Variants in COX5A observed in about 807,000 individuals in gnomAD.
COX5A encodes the protein cytochrome c oxidase subunit 5A, mitochondrial.
A neutral mutation model predicts 16.1 loss-of-function variants in COX5A; 6 were observed. That is an observed-to-expected ratio of 0.37 (90% confidence interval 0.20 to 0.73). The LOEUF (loss-of-function observed/expected upper bound fraction) is 0.73. COX5A is among the 30% of genes least tolerant of loss of function. COX5A has a pLI of 0.50. For synonymous variants in COX5A, 73 were observed against 73.8 expected, an observed-to-expected ratio of 0.99 and a Z score of 0.06; for missense variants, 159 against 194.9, an observed-to-expected ratio of 0.82 and a Z score of 1.10.
At chr15:74,926,184 C>A (rs1040896550) in intron 3 of COX5A, among the ~76,000 whole-genome samples, 1 of 151,398 alleles carries the variant, frequency 6.6e-6, no homozygotes, top group Non-Finnish European at 1.5e-5. Flanking sequence ...GGACTACAGG[C>A]GCCTGCCACC....
At chr15:74,937,832 G>T in intron 1 of COX5A, 83 bp downstream of exon 1, 1 of 876,612 alleles carries the variant, frequency 1.1e-6, no homozygotes, top group Non-Finnish European at 1.5e-6. Context: ...CTAGGCCGGG[G>T]AGAGCCCGCC....
intron 4 of COX5A, among the ~76,000 whole-genome samples, chr15:74,922,664 CTTTTTT>C (rs941924508): frequency 2.4e-4 from 31 of 128,442 alleles, no homozygotes; most frequent in Non-Finnish European, 4.1e-4. Context: ...CAAGTTGAGT[CTTTTTT>C]TTTTTTTTTT....
intron 1 of COX5A, among the ~76,000 whole-genome samples, chr15:74,932,446 C>T (rs2065371689): frequency 6.6e-6 from 1 of 152,068 alleles, no homozygotes; most frequent in South Asian, 2.1e-4. Context: ...CCATGCCCAG[C>T]CTTAACATAC....
At chr15:74,921,193 G>C (rs993051370) in intron 4 of COX5A, among the ~76,000 whole-genome samples, 2 of 148,010 alleles carry the variant, frequency 1.4e-5, no homozygotes, top group Non-Finnish European at 3.0e-5. Flanking sequence ...AGATCGCGAA[G>C]TCAGGAGATT....
intron 4 of COX5A, among the ~76,000 whole-genome samples, chr15:74,921,717 G>A (rs2065321867): frequency 2.6e-5 from 4 of 152,114 alleles, no homozygotes; most frequent in African/African-American, 7.2e-5. Context: ...GCGACAGAGT[G>A]AGACTCCGTC....
chr15:74,922,361 G>A (rs1428252876), intron 4 of COX5A, among the ~76,000 whole-genome samples: 1 of 150,886 alleles, frequency 6.6e-6, no homozygotes, highest in African/African-American at 2.4e-5. Context: ...CTCCAGCCTA[G>A]GTGACAGAGT....
At chr15:74,923,876 G>A (rs1299095312) in intron 3 of COX5A, 106 bp from the exon 4 acceptor site, 2 of 711,300 alleles carry the variant, frequency 2.8e-6, no homozygotes, top group Non-Finnish European at 4.9e-6. Flanking sequence ...GAGGCAGGTA[G>A]GACAGAATAA....
intron 1 of COX5A, among the ~76,000 whole-genome samples, chr15:74,937,154 T>C (rs2065394603): frequency 6.6e-6 from 1 of 151,792 alleles, no homozygotes; most frequent in African/African-American, 2.4e-5. Flanking sequence ...GGAAGGAAAA[T>C]AGACAAAAAT....
intron 1 of COX5A, among the ~76,000 whole-genome samples, chr15:74,936,934 C>CT (rs2065393475): frequency 6.6e-6 from 1 of 152,014 alleles, no homozygotes; most frequent in Non-Finnish European, 1.5e-5. Flanking sequence ...CGGCTGAGTT[C>CT]TTTTTTTAAT....
Position 74,920,145 on chromosome 15 carries a change from T to C in COX5A, c.*307A>G, listed in dbSNP as rs1188237270. On this transcript the variant is annotated 3_prime_UTR_variant, in exon 5 of 5. Transcript: ENST00000322347. ...CACCCAAACATATTAATGAAGCTGA[T>C]TTTCATGTCAGATGGTTTCCAGAGA... 1 of 496,170 alleles carries C rather than the reference T, an allele frequency of 2.0e-6. No individual in the cohort carries two copies. The highest frequency in any genetic ancestry group is 3.5e-6 in the Non-Finnish European group (1 of 287,968). 30.7% of individuals were successfully genotyped at this position (496,170 alleles called of 1,614,324 possible). A position where few individuals can be genotyped will look rare whatever the true frequency, so the allele number is the denominator to read the frequency against.
chr15:74,931,016 C>CCA (rs2065364796), intron 1 of COX5A, among the ~76,000 whole-genome samples: 1 of 23,718 alleles, frequency 4.2e-5, no homozygotes, highest in Admixed American at 6.2e-4. Flanking sequence ...GACTCTGTCT[C>CCA]AAAAAAAAAA....
intron 4 of COX5A, among the ~76,000 whole-genome samples, chr15:74,921,159 G>A (rs1281298310): frequency 2.6e-5 from 4 of 152,026 alleles, no homozygotes; most frequent in Non-Finnish European, 5.9e-5. Context: ...TGTAATCCCA[G>A]CACTTTGGGA....
At chr15:74,920,891 T>C in intron 4 of COX5A, among the ~76,000 whole-genome samples, 1 of 151,468 alleles carries the variant, frequency 6.6e-6, no homozygotes. Flanking sequence ...GGCACGAGAA[T>C]CTCTTCAACC....
chr15:74,921,911 T>C (rs2141269506), intron 4 of COX5A, among the ~76,000 whole-genome samples: 1 of 151,802 alleles, frequency 6.6e-6, no homozygotes, highest in East Asian at 2.0e-4. Flanking sequence ...GAAAAGACCA[T>C]TGCTTTTGGC....
chr15:74,921,407 C>CAAAAAAAAAAA (rs56979177), intron 4 of COX5A, among the ~76,000 whole-genome samples: 2 of 79,504 alleles, frequency 2.5e-5, no homozygotes, highest in Non-Finnish European at 2.3e-5. Flanking sequence ...GACTCCGTCT[C>CAAAAAAAAAAA]AAAAAAAAAA....
Position 74,929,232 on chromosome 15 carries a change from G to A in COX5A, c.101C>T (p.Ala34Val), listed in dbSNP as rs760914811. The change falls in exon 2 of 5, where the codon GCT becomes GTT. Residue 34 changes from alanine to valine, a missense_variant and splice_region_variant. Transcript: ENST00000322347. Reference sequence around the variant, plus strand: ...GGAATAGCAGCGAACTGACTGGATAGCTATAATGTGAAAGAACCATAACTT... The same window carrying A: ...GGAATAGCAGCGAACTGACTGGATAACTATAATGTGAAAGAACCATAACTT... The part of the protein sequence containing the change: ...HSARTPGPAV[A>V]IQSVRCYSHG... The A allele has an allele frequency of 6.3e-7, 1 of 1,590,442 alleles. No homozygotes were observed.
chr15:74,937,201 A>G (rs2065394822), intron 1 of COX5A, among the ~76,000 whole-genome samples: 1 of 152,156 alleles, frequency 6.6e-6, no homozygotes, highest in African/African-American at 2.4e-5. Context: ...TCAGGCTTCT[A>G]TTACAAAGGG....
chr15:74,928,194 T>C (rs1045574342), intron 2 of COX5A, among the ~76,000 whole-genome samples: 1 of 152,200 alleles, frequency 6.6e-6, no homozygotes. Context: ...TCATTGAGAT[T>C]GAATTTTTGG....
At chr15:74,922,488 A>G (rs949967144) in intron 4 of COX5A, among the ~76,000 whole-genome samples, 2 of 152,004 alleles carry the variant, frequency 1.3e-5, no homozygotes, top group Non-Finnish European at 2.9e-5. Context: ...TGAATTCTGA[A>G]TATTTTTCTT....
Sources: gnomAD v4.1 joint callset for allele counts (sites outside exome capture counted in the v4.1 genomes callset) on GRCh38, gnomAD v4.1.1 for gene constraint, MANE v1.5 for transcripts, NCBI Gene and HGNC (gene_info 2026-07-23, HGNC 2026-07-21) for gene names.